Variants in TRPC5 observed in about 807,000 individuals in gnomAD.
TRPC5 encodes transient receptor potential cation channel subfamily C member 5.
A neutral mutation model predicts 56.5 loss-of-function variants in TRPC5; 9 were observed. That is an observed-to-expected ratio of 0.16 (90% confidence interval 0.10 to 0.28). The LOEUF is 0.28. TRPC5 is among the 10% of genes least tolerant of loss of function. The pLI is 1.00. For missense variants in TRPC5, 469 were observed against 748.9 expected (o/e 0.63, Z 4.36); for synonymous variants, 282 against 278.5 (o/e 1.01, Z -0.13).
At chrX:111,845,571 G>C (rs1038859856) in intron 6 of TRPC5, among the ~76,000 whole-genome samples, 5 of 111,868 alleles carry the variant, frequency 4.5e-5, no homozygotes, top group Non-Finnish European at 9.4e-5. Context: ...AAGCATAATT[G>C]GCAAGGACCT....
chrX:111,811,419 GCACACA>G (rs369105596), intron 7 of TRPC5, among the ~76,000 whole-genome samples: 3 of 112,077 alleles, frequency 2.7e-5, no homozygotes, highest in African/African-American at 9.7e-5. Flanking sequence ...GCTTGCGCGT[GCACACA>G]CACACACAAA....
chrX:112,010,091 G>C lies in TRPC5; in HGVS notation c.-21-57650C>G, dbSNP rs187506776. Among the ~76,000 whole-genome samples, 190 of 111,946 alleles carry C rather than the reference G, an allele frequency of 1.7e-3. 3 individuals are homozygous for C. The highest frequency in any genetic ancestry group is 0.015 in the Admixed American group (155 of 10,571). On this transcript the variant is annotated intron_variant, in intron 1 of 10. Transcript: ENST00000262839. ...GAAAAACCCTACATACAGATTATCA[G>C]GAAGAAATGCAATAGTGAAAAGAGC...
intron 1 of TRPC5, among the ~76,000 whole-genome samples, chrX:112,027,718 G>C (rs1040927048): frequency 1.8e-5 from 2 of 110,623 alleles, no homozygotes; most frequent in East Asian, 2.9e-4. Context: ...TGATGGTCTC[G>C]ATCTCCTGAC....
At chrX:112,015,934 C>A (rs1350907051) in intron 1 of TRPC5, among the ~76,000 whole-genome samples, 2 of 111,646 alleles carry the variant, frequency 1.8e-5, no homozygotes, top group Non-Finnish European at 3.8e-5. Flanking sequence ...ATGGTTAGAA[C>A]TGTCTTCTAG....
intron 1 of TRPC5, among the ~76,000 whole-genome samples, chrX:111,964,254 C>T (rs758399454): frequency 1.6e-4 from 18 of 111,012 alleles, no homozygotes; most frequent in South Asian, 1.5e-3. Flanking sequence ...TGAAATGAAG[C>T]GAGAAGGGAA....
intron 2 of TRPC5, among the ~76,000 whole-genome samples, chrX:111,932,670 AG>A (rs1926448968): frequency 9.0e-6 from 1 of 111,439 alleles, no homozygotes; most frequent in Non-Finnish European, 1.9e-5. Context: ...CTGTTCACCA[AG>A]GTCCCAACTA....
chrX:111,867,337 C>T (rs1923576268), intron 3 of TRPC5, among the ~76,000 whole-genome samples: 1 of 112,198 alleles, frequency 8.9e-6, no homozygotes, highest in Admixed American at 9.4e-5. Context: ...ACTGCTTTGT[C>T]ATGAGGCACC....
intron 1 of TRPC5, among the ~76,000 whole-genome samples, chrX:112,047,307 G>A (rs763653288): frequency 3.6e-5 from 4 of 111,371 alleles, no homozygotes; most frequent in African/African-American, 6.5e-5. Flanking sequence ...TGGTTTTCAG[G>A]CTTTATAATA....
intron 1 of TRPC5, among the ~76,000 whole-genome samples, chrX:111,994,413 A>T (rs1222895323): frequency 9.0e-6 from 1 of 111,439 alleles, no homozygotes; most frequent in East Asian, 2.8e-4. Context: ...TATGAAGTTT[A>T]AAGTAGTTTT....
chrX:111,899,136 G>A (rs1215579723), intron 3 of TRPC5, among the ~76,000 whole-genome samples: 1 of 108,965 alleles, frequency 9.2e-6, no homozygotes, highest in Non-Finnish European at 1.9e-5. Context: ...CTGAGATTGA[G>A]AATAAAAAAT....
At chrX:111,983,293 A>C (rs936663120) in intron 1 of TRPC5, among the ~76,000 whole-genome samples, 1 of 111,421 alleles carries the variant, frequency 9.0e-6, no homozygotes, top group African/African-American at 3.3e-5. Flanking sequence ...CATGTTGCTG[A>C]GCCCATCGAT....
chrX:111,848,349 T>G (rs1422892746), intron 5 of TRPC5, among the ~76,000 whole-genome samples: 1 of 111,836 alleles, frequency 8.9e-6, no homozygotes, highest in African/African-American at 3.3e-5. Flanking sequence ...TCTTTTAATT[T>G]CACCACAAAA....
chrX:111,793,684 G>T (rs1946039836), intron 7 of TRPC5, among the ~76,000 whole-genome samples: 1 of 111,646 alleles, frequency 9.0e-6, no homozygotes, highest in Non-Finnish European at 1.9e-5. Context: ...ACATGACCCA[G>T]CAAATCCACT....
chrX:111,825,146 C>G (rs184622177), intron 7 of TRPC5, among the ~76,000 whole-genome samples: 1 of 59,385 alleles, frequency 1.7e-5, no homozygotes. Flanking sequence ...TTCCTTCCTT[C>G]CTTTCTTTCT....
chrX:112,004,124 T>TA (rs1484511335), intron 1 of TRPC5, among the ~76,000 whole-genome samples: 1 of 112,270 alleles, frequency 8.9e-6, no homozygotes, highest in African/African-American at 3.2e-5. Flanking sequence ...TTTGCAGTGC[T>TA]ATGCAGCAGA....
chrX:111,805,978 C>A (rs1921495553), intron 7 of TRPC5, among the ~76,000 whole-genome samples: 1 of 111,149 alleles, frequency 9.0e-6, no homozygotes, highest in African/African-American at 3.3e-5. Flanking sequence ...CTATAAATTG[C>A]TAAATCTGCA....
At chrX:111,981,268 G>A (rs1387429555) in intron 1 of TRPC5, among the ~76,000 whole-genome samples, 1 of 109,774 alleles carries the variant, frequency 9.1e-6, no homozygotes, top group Non-Finnish European at 1.9e-5. Flanking sequence ...AAGTTCAAAG[G>A]CAAAAAAAAG....
At chrX:111,842,111 A>G in intron 6 of TRPC5, among the ~76,000 whole-genome samples, 1 of 93,550 alleles carries the variant, frequency 1.1e-5, no homozygotes, top group African/African-American at 5.0e-5. Flanking sequence ...GTGTGTATAT[A>G]TATATATTTT....
intron 6 of TRPC5, among the ~76,000 whole-genome samples, chrX:111,835,948 G>A (rs533327928): frequency 9.0e-6 from 1 of 111,665 alleles, no homozygotes; most frequent in East Asian, 2.8e-4. Flanking sequence ...GAACTTATAA[G>A]CATGTTAGGT....
Sources: gnomAD v4.1 joint callset for allele counts (sites outside exome capture counted in the v4.1 genomes callset) on GRCh38, gnomAD v4.1.1 for gene constraint, MANE v1.5 for transcripts, NCBI Gene and HGNC (gene_info 2026-07-23, HGNC 2026-07-21) for gene names.